The following SH3RF2 variants were observed in gnomAD, a reference collection of about 807,000 sequenced individuals.
SH3RF2 encodes the protein E3 ubiquitin-protein ligase SH3RF2.
A neutral mutation model predicts 59.0 loss-of-function variants in SH3RF2; 43 were observed. The ratio of observed to expected loss-of-function variants is 0.73; its 90% CI spans 0.57 to 0.94. The LOEUF is 0.94. SH3RF2 is among the 40% of genes least tolerant of loss of function. The pLI, the probability that SH3RF2 is intolerant of heterozygous loss-of-function variation, is 0.00. For missense variants in SH3RF2, 930 were observed against 940.1 expected (o/e 0.99, Z 0.14); for synonymous variants, 391 against 391.5 (o/e 1.00, Z 0.01).
At chr5:146,005,613 ACTCATTCCTAATT>A (rs1231489676) in intron 4 of SH3RF2, among the ~76,000 whole-genome samples, 33 of 152,180 alleles carry the variant, frequency 2.2e-4, no homozygotes, top group Non-Finnish European at 4.1e-4. Context: ...TCTCTACTAA[ACTCATTCCTAATT>A]CTCATTCCTA....
intron 2 of SH3RF2, among the ~76,000 whole-genome samples, chr5:145,959,126 A>G (rs1296864363): frequency 6.6e-6 from 1 of 152,228 alleles, no homozygotes; most frequent in African/African-American, 2.4e-5. Context: ...AAAGGCGACC[A>G]TGGAATTGGC....
At chr5:146,037,106 T>C (rs1761963012) in intron 5 of SH3RF2, among the ~76,000 whole-genome samples, 2 of 152,230 alleles carry the variant, frequency 1.3e-5, no homozygotes, top group South Asian at 4.1e-4. Context: ...TCCTATGTCA[T>C]AATAGTGACA....
At chr5:146,045,465 G>A (rs13163787) in intron 5 of SH3RF2, among the ~76,000 whole-genome samples, 51,928 of 151,940 alleles carry the variant, frequency 0.34, 9,254 homozygotes, top group Non-Finnish European at 0.39. Flanking sequence ...ACCTTGTGCC[G>A]TTTAGCTATC....
At chr5:146,009,913 T>C (rs1430104947) in intron 4 of SH3RF2, among the ~76,000 whole-genome samples, 2 of 152,192 alleles carry the variant, frequency 1.3e-5, no homozygotes, top group Non-Finnish European at 2.9e-5. Flanking sequence ...AGTTCTAGGG[T>C]ATATGTGCAC....
intron 2 of SH3RF2, among the ~76,000 whole-genome samples, chr5:145,986,106 A>G (rs1429063945): frequency 6.6e-6 from 1 of 152,158 alleles, no homozygotes; most frequent in Non-Finnish European, 1.5e-5. Context: ...TTTGCAGTTG[A>G]GGAAACAGGC....
At position 146,041,837 on chromosome 5, in the gene SH3RF2, G is replaced by A. The variant is rs181852754; in HGVS notation, c.1060-5935G>A. ...TCCCAGCCACTCAGGAGGCTGAGGC[G>A]GGAGGATCGATTGAACCCGGGAGGT... On this transcript the variant is annotated intron_variant, in intron 5 of 9. Transcript: ENST00000359120. Among the ~76,000 whole-genome samples the A allele has an allele frequency of 1.2e-4, 18 of 152,246 alleles. No individual in the cohort carries two copies. The East Asian group carries it at 1.5e-3, about 13-fold the overall frequency.
rs529973632 is a variant in SH3RF2 at position 145,952,793 on chromosome 5, G to A, written c.378+14487G>A. On this transcript the variant is annotated intron_variant, in intron 2 of 9. Coordinates refer to ENST00000359120, the MANE Select transcript of SH3RF2 (RefSeq NM_152550.4). ...GAGTGATGGCATCATATAGGGAAGA[G>A]AGGGCGGCCAAGAAAGCTGTGTTAT... Among the ~76,000 whole-genome samples the A allele has an allele frequency of 9.8e-5, 15 of 152,298 alleles. No individual in the cohort carries two copies. The South Asian group carries it at 3.1e-3, about 32-fold the overall frequency.
intron 2 of SH3RF2, among the ~76,000 whole-genome samples, chr5:145,988,266 C>A (rs77803637): frequency 0.011 from 1,740 of 151,588 alleles, 43 homozygotes; most frequent in African/African-American, 0.04. Flanking sequence ...AAGCTTCTAC[C>A]GTTTGGCCCA....
chr5:146,014,083 T>C (rs1272399474), intron 5 of SH3RF2, 22 bp downstream of exon 5: 1 of 1,607,420 alleles, frequency 6.2e-7, no homozygotes, highest in Admixed American at 1.7e-5. Context: ...ACGCCTGGGA[T>C]GAGGGCACTT....
At chr5:145,973,561 C>G (rs1457293215) in intron 2 of SH3RF2, among the ~76,000 whole-genome samples, 1 of 152,142 alleles carries the variant, frequency 6.6e-6, no homozygotes, top group African/African-American at 2.4e-5. Context: ...TCTCTGTTGG[C>G]CCATATAGGA....
At chr5:145,993,108 T>C (rs1038453510) in intron 2 of SH3RF2, among the ~76,000 whole-genome samples, 2 of 152,106 alleles carry the variant, frequency 1.3e-5, no homozygotes, top group East Asian at 1.9e-4. Flanking sequence ...ACAGGCCCCA[T>C]GCAAGTCCAA....
intron 5 of SH3RF2, among the ~76,000 whole-genome samples, chr5:146,016,557 C>CT (rs2149995005): frequency 6.6e-6 from 1 of 152,252 alleles, no homozygotes; most frequent in South Asian, 2.1e-4. Flanking sequence ...ATTATCAACA[C>CT]TTTATAGCAA....
At chr5:146,075,234 T>C (rs894277065) in intron 9 of SH3RF2, among the ~76,000 whole-genome samples, 3 of 152,230 alleles carry the variant, frequency 2.0e-5, no homozygotes, top group African/African-American at 7.2e-5. Context: ...AGGAGGTCTT[T>C]TAATCTATAA....
intron 5 of SH3RF2, among the ~76,000 whole-genome samples, chr5:146,036,091 T>C (rs1761928320): frequency 6.6e-6 from 1 of 152,198 alleles, no homozygotes; most frequent in African/African-American, 2.4e-5. Context: ...CAGTTACTTC[T>C]TCAAGTGGAC....
intron 2 of SH3RF2, among the ~76,000 whole-genome samples, chr5:145,970,574 A>G (rs1353407536): frequency 6.6e-6 from 1 of 152,212 alleles, no homozygotes; most frequent in Non-Finnish European, 1.5e-5. Flanking sequence ...TTGTGCTGCT[A>G]TAAACATGCA....
intron 2 of SH3RF2, among the ~76,000 whole-genome samples, chr5:145,982,544 G>A (rs774111879): frequency 6.6e-6 from 1 of 152,136 alleles, no homozygotes; most frequent in Non-Finnish European, 1.5e-5. Flanking sequence ...TGATATTTGG[G>A]GGTTCTGGTA....
At chr5:145,969,106 C>T (rs1460610822) in intron 2 of SH3RF2, among the ~76,000 whole-genome samples, 2 of 152,000 alleles carry the variant, frequency 1.3e-5, no homozygotes, top group Admixed American at 1.3e-4. Flanking sequence ...GACTCATGGC[C>T]AAGGGTGTGC....
intron 2 of SH3RF2, among the ~76,000 whole-genome samples, chr5:145,981,533 T>A (rs555099790): frequency 6.6e-6 from 1 of 152,170 alleles, no homozygotes; most frequent in Non-Finnish European, 1.5e-5. Context: ...CTTTTTCCCA[T>A]GCAGTTTATT....
chr5:146,003,279 G>A (rs1760502040), intron 3 of SH3RF2, among the ~76,000 whole-genome samples: 2 of 152,190 alleles, frequency 1.3e-5, no homozygotes, highest in Non-Finnish European at 2.9e-5. Flanking sequence ...TTAACAGGTG[G>A]TGGGAAAGGG....
Sources: allele counts gnomAD v4.1 joint callset (sites outside exome capture counted in the v4.1 genomes callset), GRCh38; gene constraint gnomAD v4.1.1; transcripts MANE v1.5; gene names NCBI Gene and HGNC (gene_info 2026-07-23, HGNC 2026-07-21).